The following TXNRD1 variants were observed in gnomAD, a reference collection of about 807,000 sequenced individuals.
TXNRD1 encodes thioredoxin reductase 1, cytoplasmic.
Under a neutral mutation model 80.3 loss-of-function variants are expected in TXNRD1, and 57 were observed. The ratio of observed to expected loss-of-function variants is 0.71; its 90% confidence interval spans 0.57 to 0.89. The LOEUF (loss-of-function observed/expected upper bound fraction) is 0.89. TXNRD1 is among the 40% of genes least tolerant of loss of function. TXNRD1 has a pLI of 0.00. For missense variants in TXNRD1, 730 were observed against 803.0 expected (o/e 0.91, Z 1.10); for synonymous variants, 291 against 285.2 (o/e 1.02, Z -0.20).
chr12:104,343,891 G>A (rs576812865), intron 16 of TXNRD1, among the ~76,000 whole-genome samples: 5 of 152,052 alleles, frequency 3.3e-5, no homozygotes. Context: ...ATCATCTGAG[G>A]TCAGGAGTTC....
At chr12:104,267,165 C>CAAAAA (rs925258421) in intron 3 of TXNRD1, among the ~76,000 whole-genome samples, 1 of 53,840 alleles carries the variant, frequency 1.9e-5, no homozygotes, top group South Asian at 5.0e-4. Flanking sequence ...GACTCCCTCT[C>CAAAAA]AAAAAAAAAA....
chr12:104,285,920 C>T (rs2033961569), intron 3 of TXNRD1: 1 of 152,138 alleles, frequency 6.6e-6, no homozygotes, highest in African/African-American at 2.4e-5. Context: ...TGTCAATAAT[C>T]AAACACTCAT....
intron 2 of TXNRD1, among the ~76,000 whole-genome samples, chr12:104,256,797 AG>A (rs1213128273): frequency 4.0e-5 from 6 of 149,534 alleles, no homozygotes; most frequent in Admixed American, 6.7e-5. Flanking sequence ...AAAAAGAAAA[AG>A]AAAAAGAAAG....
At chr12:104,286,878 C>G in intron 3 of TXNRD1, 1 of 1,110,030 alleles carries the variant, frequency 9.0e-7, no homozygotes, top group South Asian at 2.3e-5. Context: ...GAGCTCTCAG[C>G]TTACGAGGCA....
chr12:104,251,587 C>T lies in TXNRD1; in HGVS notation c.152C>T (p.Ala51Val). 1 of 1,613,934 alleles carries T rather than the reference C, an allele frequency of 6.2e-7. No homozygotes were observed. Among genetic ancestry groups the T allele is most frequent in the Non-Finnish European group, 8.5e-7 (1 of 1,179,856 alleles). ...PENPAGFTSTATADSRALLQA... is the reference protein window; with the variant it reads ...PENPAGFTSTVTADSRALLQA... ...AACCCAGCAGGATTCACCAGCACGGCCACTGCAGACTCCAGAGCCCTGCTT... is the reference window on the plus strand; with the variant it reads ...AACCCAGCAGGATTCACCAGCACGGTCACTGCAGACTCCAGAGCCCTGCTT... Residue 51 changes from alanine to valine, a missense_variant, in exon 2 of 17, where the codon GCC becomes GTC. Transcript: ENST00000525566.
intron 3 of TXNRD1, among the ~76,000 whole-genome samples, chr12:104,267,138 C>T (rs1401587636): frequency 6.8e-6 from 1 of 146,792 alleles, no homozygotes; most frequent in Non-Finnish European, 1.5e-5. Flanking sequence ...TGCACTCTAG[C>T]CTGGGCAACA....
At chr12:104,295,726 C>A (rs1317885047) in intron 4 of TXNRD1, among the ~76,000 whole-genome samples, 1 of 152,182 alleles carries the variant, frequency 6.6e-6, no homozygotes, top group East Asian at 1.9e-4. Flanking sequence ...GTTTTCCATT[C>A]CTTTCCTCCT....
At position 104,326,344 on chromosome 12, in the gene TXNRD1, C is replaced by A. The variant is rs2035761320; in HGVS notation, c.1309-3C>A. On this transcript the variant is annotated splice_polypyrimidine_tract_variant and splice_region_variant and intron_variant, in intron 11 of 16. Coordinates refer to ENST00000525566, the MANE Select transcript of TXNRD1 (RefSeq NM_001093771.3). ...AGTCACTAATATATTAATAATTTTTCAGGTGATGCTGGCAATAGGAAGAGA... is the reference window on the plus strand; with the variant it reads ...AGTCACTAATATATTAATAATTTTTAAGGTGATGCTGGCAATAGGAAGAGA... 1.3e-6 allele frequency: 2 copies of A among 1,574,996 alleles called. No individual in the cohort carries two copies. Among genetic ancestry groups the A allele is most frequent in the Admixed American group, 1.9e-5 (1 of 53,704 alleles).
rs758468103 is a variant in TXNRD1 at position 104,319,600 on chromosome 12, C to G, written c.989+15C>G. The stretch of plus-strand genomic sequence containing the variant: ...TGCATCAGCAGGTAAAGGAAAAAAG[C>G]AGGGTGGAAAAGAAAAACCCATTGT... On this transcript the variant is annotated intron_variant, in intron 9 of 16. Coordinates refer to ENST00000525566, the MANE Select transcript of TXNRD1 (RefSeq NM_001093771.3). 3 of 1,553,872 alleles carry G rather than the reference C, an allele frequency of 1.9e-6. No individual in the cohort carries two copies. Among genetic ancestry groups the G allele is most frequent in the Non-Finnish European group, 2.6e-6 (3 of 1,142,258 alleles).
At chr12:104,319,948 A>G (rs1565900676) in intron 9 of TXNRD1, among the ~76,000 whole-genome samples, 1 of 152,242 alleles carries the variant, frequency 6.6e-6, no homozygotes, top group Non-Finnish European at 1.5e-5. Flanking sequence ...ACATATATAC[A>G]TTTAGATTTT....
intron 3 of TXNRD1, chr12:104,282,941 C>T (rs2033907938): frequency 6.6e-6 from 1 of 152,208 alleles, no homozygotes; most frequent in Non-Finnish European, 1.5e-5. Context: ...AAGCAATCCT[C>T]CTGCCTCAGC....
intron 1 of TXNRD1, among the ~76,000 whole-genome samples, chr12:104,237,923 A>G (rs1305817845): frequency 6.6e-6 from 1 of 152,124 alleles, no homozygotes; most frequent in Non-Finnish European, 1.5e-5. Flanking sequence ...AGGCAGAAGA[A>G]TCGCTTGAAC....
At chr12:104,338,697 C>CAA (rs879386846) in intron 15 of TXNRD1, among the ~76,000 whole-genome samples, 2 of 129,872 alleles carry the variant, frequency 1.5e-5, no homozygotes, top group Non-Finnish European at 3.3e-5. Context: ...TACTCCATCT[C>CAA]AAAAAAAAAA....
chr12:104,295,090 G>C (rs755490513), intron 4 of TXNRD1, among the ~76,000 whole-genome samples: 46 of 152,130 alleles, frequency 3.0e-4, no homozygotes, highest in Non-Finnish European at 6.3e-4. Context: ...AGGAAGTAAG[G>C]GTTGAGGACT....
At chr12:104,257,658 C>T (rs1435731255) in intron 2 of TXNRD1, among the ~76,000 whole-genome samples, 1 of 152,182 alleles carries the variant, frequency 6.6e-6, no homozygotes, top group Non-Finnish European at 1.5e-5. Context: ...ATCCACCCGT[C>T]TCAGCCTCCC....
intron 1 of TXNRD1, among the ~76,000 whole-genome samples, chr12:104,249,054 T>C (rs1442966919): frequency 1.3e-5 from 2 of 152,246 alleles, no homozygotes; most frequent in Non-Finnish European, 2.9e-5. Flanking sequence ...CATTTTCTTA[T>C]CTGTTCAGGC....
chr12:104,225,996 T>C (rs181834618), intron 1 of TXNRD1, among the ~76,000 whole-genome samples: 1 of 152,156 alleles, frequency 6.6e-6, no homozygotes, highest in East Asian at 1.9e-4. Flanking sequence ...GGTCAGGAGT[T>C]CAAGACCAGC....
At chr12:104,221,184 G>A (rs1394916072) in intron 1 of TXNRD1, among the ~76,000 whole-genome samples, 4 of 152,094 alleles carry the variant, frequency 2.6e-5, no homozygotes, top group Non-Finnish European at 4.4e-5. Context: ...GATCGCATGA[G>A]CGTGGGAGGT....
Position 104,327,602 on chromosome 12 carries a change from G to A in TXNRD1, c.1473G>A (p.Glu491=), listed in dbSNP as rs1447186408. The A allele has an allele frequency of 5.0e-6, 8 of 1,613,612 alleles. No homozygotes were observed. Residue 491 remains glutamate (E), a synonymous_variant, in exon 13 of 17, where the codon GAG becomes GAA. Coordinates refer to ENST00000525566, the MANE Select transcript of TXNRD1 (RefSeq NM_001093771.3). ...AIGDILEDKV[E]LTPVAIQAGR... is the part of the protein sequence containing the mutation. ...GCGATATATTGGAGGATAAGGTGGA[G>A]CTCACCCCAGTTGCAATCCAGGCAG...
Sources: allele counts gnomAD v4.1 joint callset (sites outside exome capture counted in the v4.1 genomes callset), GRCh38; gene constraint gnomAD v4.1.1; transcripts MANE v1.5; gene names NCBI Gene and HGNC (gene_info 2026-07-23, HGNC 2026-07-21).